Variants in STAB2 observed in about 807,000 individuals in gnomAD.
STAB2 encodes the protein stabilin 2, also known as stabilin-2.
Under a neutral mutation model 338.1 loss-of-function variants are expected in STAB2, and 288 were observed. The ratio of observed to expected loss-of-function variants is 0.85; its 90% CI spans 0.77 to 0.94. The LOEUF (loss-of-function observed/expected upper bound fraction) is 0.94, where lower values mean the gene tolerates loss of function less well. STAB2 is among the 40% of genes least tolerant of loss of function. The pLI is 0.00. For synonymous variants in STAB2, 1,202 were observed against 1,193.3 expected (o/e 1.01, Z -0.15); for missense variants, 3,141 against 3,210.1 (o/e 0.98, Z 0.52).
chr12:103,676,449 A>G (rs1345439880), intron 24 of STAB2, among the ~76,000 whole-genome samples: 1 of 152,136 alleles, frequency 6.6e-6, no homozygotes, highest in Non-Finnish European at 1.5e-5. Flanking sequence ...ATGTCTGATC[A>G]CTTTTCATAT....
At chr12:103,673,762 T>G (rs1566003215) in intron 22 of STAB2, 145 bp from the exon 23 acceptor site, 3 of 856,272 alleles carry the variant, frequency 3.5e-6, no homozygotes, top group Non-Finnish European at 1.8e-6. Flanking sequence ...GCAGCCTAAG[T>G]CTTCTCCCGG....
At chr12:103,766,007 G>A (rs1477991103) in intron 68 of STAB2, 2 of 588,866 alleles carry the variant, frequency 3.4e-6, no homozygotes, top group Admixed American at 2.2e-5. Context: ...CTCCCTGTGA[G>A]GTATATTATG....
chr12:103,601,266 C>T (rs1053564978), intron 3 of STAB2, among the ~76,000 whole-genome samples: 38 of 149,868 alleles, frequency 2.5e-4, no homozygotes, highest in African/African-American at 7.6e-4. Context: ...AAGGGCAGCA[C>T]AAAAGAGGAA....
intron 51 of STAB2, 87 bp downstream of exon 51, chr12:103,733,269 G>C (rs1298066383): frequency 2.0e-6 from 3 of 1,476,650 alleles, no homozygotes. Flanking sequence ...CCTAGGAACT[G>C]TCAGTGTGTC....
At chr12:103,650,331 T>C (rs923827120) in intron 10 of STAB2, among the ~76,000 whole-genome samples, 165 bp from the exon 11 acceptor site, 2 of 152,168 alleles carry the variant, frequency 1.3e-5, no homozygotes, top group East Asian at 3.9e-4. Context: ...GTGCCTTACA[T>C]TCTTAGAGAG....
At chr12:103,658,838 C>A (rs1447905709) in intron 15 of STAB2, among the ~76,000 whole-genome samples, 2 of 152,208 alleles carry the variant, frequency 1.3e-5, no homozygotes, top group Non-Finnish European at 2.9e-5. Context: ...CCAGCCCCTG[C>A]CTTCCAGGAG....
At chr12:103,719,452 T>C (rs900065269) in intron 44 of STAB2, among the ~76,000 whole-genome samples, 1 of 152,240 alleles carries the variant, frequency 6.6e-6, no homozygotes, top group African/African-American at 2.4e-5. Flanking sequence ...CTCACAGTTC[T>C]AGAGGACCAA....
At chr12:103,752,878 A>T (rs1224092037) in intron 60 of STAB2, among the ~76,000 whole-genome samples, 1 of 152,250 alleles carries the variant, frequency 6.6e-6, no homozygotes, top group Non-Finnish European at 1.5e-5. Flanking sequence ...ATATCAAATT[A>T]AAAATTTACC....
chr12:103,665,628 C>T (rs1875020500), intron 18 of STAB2, among the ~76,000 whole-genome samples: 1 of 152,126 alleles, frequency 6.6e-6, no homozygotes, highest in Non-Finnish European at 1.5e-5. Flanking sequence ...AAATCCTTGA[C>T]CTTGTTGTCC....
Position 103,695,772 on chromosome 12 carries a change from T to G in STAB2, c.3510T>G (p.Asp1170Glu). 8 of 1,614,016 alleles carry G rather than the reference T, an allele frequency of 5.0e-6. No individual in the cohort carries two copies. The highest frequency in any genetic ancestry group is 6.8e-6 in the Non-Finnish European group (8 of 1,179,950). The change falls in exon 33 of 69, where the codon GAT becomes GAG. Residue 1170 changes from aspartate (D) to glutamate (E), a missense_variant. Physicochemically the swap from Asp to Glu is conservative, Grantham distance 45. Coordinates refer to ENST00000388887, the MANE Select transcript of STAB2 (RefSeq NM_017564.10). Reference sequence around the variant, plus strand: ...TGGCGAATGCAATTGAGGCTGCCGATGCCTACACAGTGTTTGCTCCAAACA... The same window carrying G: ...TGGCGAATGCAATTGAGGCTGCCGAGGCCTACACAGTGTTTGCTCCAAACA... ...YNLANAIEAA[D>E]AYTVFAPNNN...
intron 22 of STAB2, among the ~76,000 whole-genome samples, chr12:103,672,909 T>TTGAA (rs748737701): frequency 1.1e-4 from 17 of 152,308 alleles, no homozygotes; most frequent in Non-Finnish European, 1.5e-4. Context: ...TGGTTTAAGT[T>TTGAA]TCTGCCTGGG....
intron 25 of STAB2, among the ~76,000 whole-genome samples, chr12:103,681,026 C>T (rs756195637): frequency 6.6e-6 from 1 of 152,182 alleles, no homozygotes; most frequent in African/African-American, 2.4e-5. Flanking sequence ...CTATGTATAA[C>T]GCTAAAGTGA....
intron 5 of STAB2, among the ~76,000 whole-genome samples, chr12:103,622,720 GT>G (rs1957321384): frequency 6.6e-6 from 1 of 152,180 alleles, no homozygotes; most frequent in Non-Finnish European, 1.5e-5. Context: ...GTTTCCTGAG[GT>G]TCTCAGCCCT....
chr12:103,592,591 T>C (rs745700165), intron 2 of STAB2, among the ~76,000 whole-genome samples: 1 of 152,204 alleles, frequency 6.6e-6, no homozygotes, highest in Non-Finnish European at 1.5e-5. Flanking sequence ...ACATTCTTGA[T>C]GTACACAACT....
At chr12:103,624,781 T>C (rs939477289) in intron 5 of STAB2, among the ~76,000 whole-genome samples, 1 of 151,846 alleles carries the variant, frequency 6.6e-6, no homozygotes, top group African/African-American at 2.4e-5. Flanking sequence ...CTACTAAAAA[T>C]ACAAAAATTA....
At chr12:103,635,267 C>G (rs575463861) in intron 6 of STAB2, among the ~76,000 whole-genome samples, 1 of 152,268 alleles carries the variant, frequency 6.6e-6, no homozygotes, top group East Asian at 1.9e-4. Context: ...TTTGCCTGCT[C>G]GTGATAATGG....
At chr12:103,659,963 G>A (rs1874472829) in intron 15 of STAB2, among the ~76,000 whole-genome samples, 1 of 152,218 alleles carries the variant, frequency 6.6e-6, no homozygotes, top group African/African-American at 2.4e-5. Context: ...GAGAAGTGAT[G>A]GAGCAGAGTA....
At chr12:103,597,187 C>A (rs1405392261) in intron 3 of STAB2, among the ~76,000 whole-genome samples, 1 of 152,088 alleles carries the variant, frequency 6.6e-6, no homozygotes, top group African/African-American at 2.4e-5. Context: ...GATAAAACCT[C>A]TACTTGGCAG....
At chr12:103,725,214 G>A (rs949174785) in intron 45 of STAB2, 120 bp downstream of exon 45, 14 of 1,443,652 alleles carry the variant, frequency 9.7e-6, no homozygotes, top group Non-Finnish European at 1.3e-5. Context: ...AATATGAAAG[G>A]CAATTTTACA....
Sources: gnomAD v4.1 joint callset for allele counts (sites outside exome capture counted in the v4.1 genomes callset) on GRCh38, gnomAD v4.1.1 for gene constraint, MANE v1.5 for transcripts, NCBI Gene and HGNC (gene_info 2026-07-23, HGNC 2026-07-21) for gene names.